The following GALNT13 variants were observed in gnomAD, a reference collection of about 807,000 sequenced individuals.
GALNT13 encodes the protein UDP-GalNAc:polypeptide N-acetylgalactosaminyltransferase 13.
GALNT13 carries 28 observed loss-of-function variants against 64.2 expected under a neutral mutation model. The observed-to-expected ratio is 0.44, with a 90% CI of 0.32 to 0.60. The LOEUF (loss-of-function observed/expected upper bound fraction) is 0.60. Among genes scored for constraint, GALNT13 ranks in the 20% least tolerant of loss-of-function variants. The pLI, the probability that GALNT13 is intolerant of heterozygous loss-of-function variation, is 0.05. For synonymous variants in GALNT13, 214 were observed against 224.6 expected, an observed-to-expected ratio of 0.95 and a Z score of 0.42; for missense variants, 577 against 669.8, an observed-to-expected ratio of 0.86 and a Z score of 1.53.
chr2:153,205,033 A>T, the GALNT13 span, among the ~76,000 whole-genome samples: 8 of 152,292 alleles, frequency 5.3e-5, 1 homozygote, highest in Middle Eastern at 6.8e-3. Context: ...TTTGCTTCAG[A>T]TTTTTTGTGA....
chr2:154,205,951 G>A (rs892859799), intron 4 of GALNT13, among the ~76,000 whole-genome samples: 1 of 151,704 alleles, frequency 6.6e-6, no homozygotes, highest in Non-Finnish European at 1.5e-5. Context: ...TTATTTACAG[G>A]CTCTGACATA....
chr2:154,425,060 G>C (rs1418776209), intron 11 of GALNT13, among the ~76,000 whole-genome samples: 1 of 152,196 alleles, frequency 6.6e-6, no homozygotes, highest in Non-Finnish European at 1.5e-5. Flanking sequence ...TTTACAGATA[G>C]AGAGTTGTAA....
intron 2 of GALNT13, among the ~76,000 whole-genome samples, chr2:153,931,651 T>C (rs1366762877): frequency 6.6e-6 from 1 of 152,172 alleles, no homozygotes; most frequent in East Asian, 1.9e-4. Context: ...TGAAGCACAT[T>C]TATTGATTCA....
chr2:153,751,375 C>G, the GALNT13 span, among the ~76,000 whole-genome samples: 1 of 147,388 alleles, frequency 6.8e-6, no homozygotes, highest in Non-Finnish European at 1.5e-5. Flanking sequence ...TTTTTTTTTT[C>G]TCTTTTTCTG....
intron 3 of GALNT13, among the ~76,000 whole-genome samples, chr2:153,988,337 G>A (rs985822234): frequency 6.6e-6 from 1 of 151,866 alleles, no homozygotes; most frequent in Admixed American, 6.6e-5. Flanking sequence ...GCTGCCACCT[G>A]CCCAGCCGCT....
chr2:153,460,309 C>T, the GALNT13 span, among the ~76,000 whole-genome samples: 2 of 152,078 alleles, frequency 1.3e-5, no homozygotes, highest in African/African-American at 4.8e-5. Flanking sequence ...TATGTAACAA[C>T]ATTCAATTTG....
intron 3 of GALNT13, among the ~76,000 whole-genome samples, chr2:153,994,032 A>C (rs1574286034): frequency 6.6e-6 from 1 of 152,090 alleles, no homozygotes; most frequent in African/African-American, 2.4e-5. Context: ...CATCATTTCC[A>C]TTAGGTATAA....
chr2:154,232,955 G>C (rs956555121), intron 4 of GALNT13, among the ~76,000 whole-genome samples: 7 of 149,496 alleles, frequency 4.7e-5, no homozygotes, highest in Non-Finnish European at 8.9e-5. Context: ...GTAGAAGGAT[G>C]CTTGAGCCCA....
the GALNT13 span, among the ~76,000 whole-genome samples, chr2:153,461,171 C>T: frequency 1.3e-5 from 2 of 152,018 alleles, no homozygotes; most frequent in Non-Finnish European, 1.5e-5. Context: ...CTTCATGTCT[C>T]ACCAAAAGTT....
chr2:153,371,384 A>G, the GALNT13 span, among the ~76,000 whole-genome samples: 1 of 152,166 alleles, frequency 6.6e-6, no homozygotes, highest in Non-Finnish European at 1.5e-5. Context: ...AAAAAATTCA[A>G]ACTATTTGCA....
chr2:153,367,349 A>AAGGTAGACTG, the GALNT13 span, among the ~76,000 whole-genome samples: 1 of 152,094 alleles, frequency 6.6e-6, no homozygotes, highest in Admixed American at 6.6e-5. Flanking sequence ...ACATGATTTG[A>AAGGTAGACTG]AGGTAGACTG....
At chr2:154,405,273 CAT>C (rs1299036033) in intron 10 of GALNT13, among the ~76,000 whole-genome samples, 2 of 151,734 alleles carry the variant, frequency 1.3e-5, no homozygotes, top group African/African-American at 2.4e-5. Flanking sequence ...TGTAAGAACA[CAT>C]GAGTGAATAA....
At chr2:153,312,412 T>C in the GALNT13 span, among the ~76,000 whole-genome samples, 1 of 152,176 alleles carries the variant, frequency 6.6e-6, no homozygotes, top group Non-Finnish European at 1.5e-5. Context: ...GGGAGTTTTT[T>C]GGCTGAAAGT....
At chr2:153,277,923 CTTTCT>C in the GALNT13 span, among the ~76,000 whole-genome samples, 15 of 78,940 alleles carry the variant, frequency 1.9e-4, 4 homozygotes, top group Admixed American at 5.3e-4. Flanking sequence ...GTTTTCTTTT[CTTTCT>C]TTTTTTTTTT....
At chr2:154,362,659 A>G (rs541138484) in intron 9 of GALNT13, among the ~76,000 whole-genome samples, 5 of 152,196 alleles carry the variant, frequency 3.3e-5, no homozygotes, top group South Asian at 2.1e-4. Flanking sequence ...GCCCAGACAA[A>G]TTGTTGACTT....
the GALNT13 span, among the ~76,000 whole-genome samples, chr2:153,537,393 A>T: frequency 6.6e-6 from 1 of 152,166 alleles, no homozygotes; most frequent in African/African-American, 2.4e-5. Context: ...AGGGCAAAAG[A>T]AGAGGGCTCC....
chr2:153,073,654 C>T, the GALNT13 span, among the ~76,000 whole-genome samples: 1 of 152,140 alleles, frequency 6.6e-6, no homozygotes, highest in East Asian at 1.9e-4. Flanking sequence ...GATAAGCATT[C>T]TTTTTAAAAC....
chr2:153,912,781 C>T (rs1689049729), intron 2 of GALNT13, among the ~76,000 whole-genome samples: 1 of 152,130 alleles, frequency 6.6e-6, no homozygotes, highest in African/African-American at 2.4e-5. Context: ...ACCTGTTGCA[C>T]AGGATAGGCT....
chr2:153,207,083 A>G, the GALNT13 span, among the ~76,000 whole-genome samples: 1 of 152,084 alleles, frequency 6.6e-6, no homozygotes, highest in African/African-American at 2.4e-5. Flanking sequence ...TTATATTACT[A>G]TCTTATAAAT....
Sources: gnomAD v4.1 joint callset for allele counts (sites outside exome capture counted in the v4.1 genomes callset) on GRCh38, gnomAD v4.1.1 for gene constraint, MANE v1.5 for transcripts, NCBI Gene and HGNC (gene_info 2026-07-23, HGNC 2026-07-21) for gene names.